KIAA0232: variants seen among roughly 807,000 people sequenced by gnomAD.
KIAA0232 encodes uncharacterized protein KIAA0232.
Under a neutral mutation model 122.0 loss-of-function variants are expected in KIAA0232, and 27 were observed. The ratio of observed to expected loss-of-function variants is 0.22; its 90% CI spans 0.16 to 0.31. The LOEUF is 0.31. Ranked by LOEUF, KIAA0232 falls within the 10% of genes least tolerant of loss-of-function variation. KIAA0232 has a pLI of 1.00. For synonymous variants in KIAA0232, 613 were observed against 587.6 expected (o/e 1.04, Z -0.63); for missense variants, 1,551 against 1,634.2 (o/e 0.95, Z 0.88).
chr4:6,809,879 G>T (rs1329322763), intron 2 of KIAA0232, among the ~76,000 whole-genome samples: 2 of 152,082 alleles, frequency 1.3e-5, no homozygotes, highest in African/African-American at 4.8e-5. Flanking sequence ...AACCAAGGAG[G>T]TGAAAGATCT....
intron 3 of KIAA0232, among the ~76,000 whole-genome samples, chr4:6,837,105 T>C (rs1382085267): frequency 1.3e-5 from 2 of 150,880 alleles, no homozygotes; most frequent in African/African-American, 4.9e-5. Context: ...GGCCCCCACC[T>C]CCCAGACGGG....
intron 4 of KIAA0232, among the ~76,000 whole-genome samples, chr4:6,854,907 A>G (rs539435743): frequency 2.4e-4 from 37 of 152,150 alleles, no homozygotes; most frequent in African/African-American, 8.0e-4. Flanking sequence ...ATATTTTCTA[A>G]TGGTTTATAT....
intron 4 of KIAA0232, among the ~76,000 whole-genome samples, chr4:6,843,899 C>T (rs1204852915): frequency 6.9e-6 from 1 of 144,750 alleles, no homozygotes; most frequent in Non-Finnish European, 1.5e-5. Context: ...ACTGTGCTCA[C>T]TGGGCGCAAG....
At chr4:6,789,535 G>A (rs1345730684) in intron 1 of KIAA0232, among the ~76,000 whole-genome samples, 1 of 152,052 alleles carries the variant, frequency 6.6e-6, no homozygotes, top group Non-Finnish European at 1.5e-5. Context: ...GCCTCCCAAA[G>A]TGCTGGGATT....
rs749479811 is a variant in KIAA0232 at position 6,863,532 on chromosome 4, A to G, written c.3150A>G (p.Gln1050=). The G allele has an allele frequency of 4.3e-6, 7 of 1,614,204 alleles. No homozygotes were observed. The Admixed American group carries it at 8.3e-5, about 19-fold the overall frequency. The change falls in exon 7 of 10, where the codon CAA becomes CAG. Residue 1050 remains glutamine, a synonymous_variant. Coordinates refer to ENST00000307659, the MANE Select transcript of KIAA0232 (RefSeq NM_014743.3). The part of the protein sequence containing the change: ...SSFDLSNPFS[Q]VLHVECSFEP... Reference sequence around the variant, plus strand: ...TTGACTTAAGCAATCCATTTTCACAAGTTCTTCATGTAGAATGCTCATTTG... The same window carrying G: ...TTGACTTAAGCAATCCATTTTCACAGGTTCTTCATGTAGAATGCTCATTTG...
rs1334258388 is a variant in KIAA0232, at chr4:6,863,689, TCTCCTCGGA to T, written c.3311_3319del (p.Pro1104_Thr1106del). On this transcript the variant is annotated inframe_deletion, in exon 7 of 10. Coordinates refer to ENST00000307659, the MANE Select transcript of KIAA0232 (RefSeq NM_014743.3). ...AACACAATACAGGGCTATTCGGATC[TCTCCTCGGA>T]CTCACTTTCGCCCAATTTCTGCATC... is the stretch of plus-strand genomic sequence containing the variant. 1 of 1,614,024 alleles carries T rather than the reference TCTCCTCGGA, an allele frequency of 6.2e-7. No homozygotes were observed. Among genetic ancestry groups the T allele is most frequent in the Non-Finnish European group, 8.5e-7 (1 of 1,180,032 alleles).
chr4:6,791,150 G>GC (rs1716875983), intron 1 of KIAA0232, among the ~76,000 whole-genome samples: 1 of 149,814 alleles, frequency 6.7e-6, no homozygotes, highest in African/African-American at 2.5e-5. Flanking sequence ...GAACTCCTGA[G>GC]CTCAGGCAGT....
chr4:6,794,918 C>T (rs769682632), intron 1 of KIAA0232, among the ~76,000 whole-genome samples: 98 of 152,140 alleles, frequency 6.4e-4, no homozygotes, highest in Non-Finnish European at 9.7e-4. Flanking sequence ...TGTCTAGTAG[C>T]TTGGTAGCAT....
At chr4:6,837,136 G>GC (rs1017199680) in intron 3 of KIAA0232, among the ~76,000 whole-genome samples, 16 of 150,764 alleles carry the variant, frequency 1.1e-4, no homozygotes, top group South Asian at 2.1e-4. Context: ...GGCGGGGGCT[G>GC]CCCCCCACCT....
chr4:6,844,225 C>T (rs13111028), intron 4 of KIAA0232, among the ~76,000 whole-genome samples: 67,788 of 151,482 alleles, frequency 0.45, 15,497 homozygotes, highest in East Asian at 0.58. Context: ...CAGGCGTGAG[C>T]CACCGCACCC....
chr4:6,785,631 C>G (rs1348874679), intron 1 of KIAA0232, among the ~76,000 whole-genome samples: 1 of 152,252 alleles, frequency 6.6e-6, no homozygotes, highest in Non-Finnish European at 1.5e-5. Flanking sequence ...CTCCTCGCCA[C>G]CCCTTCCTAT....
chr4:6,798,961 A>G (rs1213232898), intron 1 of KIAA0232, among the ~76,000 whole-genome samples: 1 of 152,210 alleles, frequency 6.6e-6, no homozygotes, highest in Non-Finnish European at 1.5e-5. Flanking sequence ...ATGCTACAAC[A>G]AAGTACCCCA....
At chr4:6,831,300 C>T (rs951304555) in intron 3 of KIAA0232, among the ~76,000 whole-genome samples, 4 of 152,104 alleles carry the variant, frequency 2.6e-5, no homozygotes, top group South Asian at 2.1e-4. Context: ...GTGATCCGCC[C>T]GCCTCGGCCT....
chr4:6,842,016 G>A (rs202174334), intron 3 of KIAA0232, 51 bp from the exon 4 acceptor site: 167 of 1,604,302 alleles, frequency 1.0e-4, no homozygotes, highest in Admixed American at 2.2e-4. Context: ...GTGGAACATA[G>A]TAGTGTCCAA....
intron 3 of KIAA0232, among the ~76,000 whole-genome samples, chr4:6,828,120 T>G (rs1718787134): frequency 6.6e-6 from 1 of 152,230 alleles, no homozygotes; most frequent in African/African-American, 2.4e-5. Context: ...ATTCTGTTTC[T>G]CAGTAGGTTA....
intron 3 of KIAA0232, among the ~76,000 whole-genome samples, chr4:6,835,106 C>T (rs151188916): frequency 1.6e-3 from 244 of 152,280 alleles, no homozygotes; most frequent in African/African-American, 5.6e-3. Context: ...ACATGTCTGT[C>T]ATCTTGGCAG....
chr4:6,792,173 T>C (rs1472105212), intron 1 of KIAA0232, among the ~76,000 whole-genome samples: 4 of 152,220 alleles, frequency 2.6e-5, no homozygotes, highest in African/African-American at 9.6e-5. Context: ...AACAGACTAA[T>C]ACACAGATCT....
chr4:6,864,076 A>T lies in KIAA0232; in HGVS notation c.3694A>T (p.Ile1232Leu). The T allele has an allele frequency of 6.2e-7, 1 of 1,614,226 alleles. No individual in the cohort carries two copies. Among genetic ancestry groups the T allele is most frequent in the Non-Finnish European group, 8.5e-7 (1 of 1,180,032 alleles). Residue 1232 changes from isoleucine (I) to leucine (L), a missense_variant, in exon 7 of 10, where the codon ATA becomes TTA. This residue lies in a region of KIAA0232 where 1,108 missense variants were observed against 1,154.8 expected (regional missense o/e 0.96). Transcript: ENST00000307659. Reference protein sequence around the residue: ...DLESSEANCKIMAQCEEEINN... With the variant: ...DLESSEANCKLMAQCEEEINN... ...AGAAAGCTCAGAAGCAAATTGTAAAATAATGGCACAATGCGAGGAAGAAAT... is the reference window on the plus strand; with the variant it reads ...AGAAAGCTCAGAAGCAAATTGTAAATTAATGGCACAATGCGAGGAAGAAAT...
intron 9 of KIAA0232, among the ~76,000 whole-genome samples, chr4:6,878,381 A>ATACG (rs1721866472): frequency 7.6e-6 from 1 of 132,364 alleles, no homozygotes. Context: ...TCATTCATTC[A>ATACG]TACATACATA....
Sources: allele counts gnomAD v4.1 joint callset (sites outside exome capture counted in the v4.1 genomes callset), GRCh38; gene constraint gnomAD v4.1.1; regional missense constraint gnomAD v4.1.1; transcripts MANE v1.5; gene names NCBI Gene and HGNC (gene_info 2026-07-23, HGNC 2026-07-21).